LRP1: variants seen among roughly 807,000 people sequenced by gnomAD.
The protein encoded by LRP1 is LDL receptor related protein 1, also known as prolow-density lipoprotein receptor-related protein 1.
LRP1 carries 51 observed loss-of-function variants against 541.5 expected under a neutral mutation model. That is an observed-to-expected ratio of 0.09 (90% CI 0.08 to 0.12). LRP1 has a LOEUF of 0.12. Among genes scored for constraint, LRP1 ranks in the 10% least tolerant of loss-of-function variants. The pLI, the probability that LRP1 is intolerant of heterozygous loss-of-function variation, is 1.00. For synonymous variants in LRP1, 2,219 were observed against 2,470.8 expected (o/e 0.90, Z 3.02); for missense variants, 3,878 against 6,376.2 (o/e 0.61, Z 13.34).
At chr12:57,172,947 G>A (rs943593207) in intron 20 of LRP1, among the ~76,000 whole-genome samples, 9 of 152,216 alleles carry the variant, frequency 5.9e-5, no homozygotes, top group Admixed American at 6.5e-5. Context: ...TCAATGGGGG[G>A]ATTAGATGAG....
At position 57,154,792 on chromosome 12, in the gene LRP1, T is replaced by C. The variant is rs2035589213; in HGVS notation, c.1227+91T>C. 1.7e-6 allele frequency: 2 copies of C among 1,193,686 alleles called. No individual in the cohort carries two copies. The highest frequency in any genetic ancestry group is 2.4e-6 in the Non-Finnish European group (2 of 827,414). 73.9% of individuals were successfully genotyped at this position (1,193,686 alleles called of 1,614,324 possible). On this transcript the variant is annotated intron_variant, in intron 8 of 88. Transcript: ENST00000243077. The surrounding 1 kb of genome is among the most constrained non-coding windows in gnomAD (Gnocchi z 4.6). ...AAGCCTCTGTAGGGGAACCGTTCTC[T>C]GAGTCTCCTGGTAAAGAGCGTGGAT...
rs973461112 is a variant in LRP1, at chr12:57,156,753, A to G, written c.1418-24A>G. The stretch of plus-strand genomic sequence containing the variant: ...TGGCACAGGGGCTCTGAGGGGTCCT[A>G]ACAGCTCTTCACCCTGCCCCCAGTG... On this transcript the variant is annotated intron_variant, in intron 9 of 88. Coordinates refer to ENST00000243077, the MANE Select transcript of LRP1 (RefSeq NM_002332.3). This position sits in a 1 kb window ranked among gnomAD's most constrained non-coding sequence, Gnocchi z 5.2. 6.3e-7 allele frequency: 1 copy of G among 1,592,808 alleles called. No individual in the cohort carries two copies. Among genetic ancestry groups the G allele is most frequent in the Non-Finnish European group, 8.6e-7 (1 of 1,165,140 alleles).
chr12:57,135,740 A>G (rs1330995419), intron 1 of LRP1, among the ~76,000 whole-genome samples: 4 of 152,012 alleles, frequency 2.6e-5, no homozygotes, highest in African/African-American at 9.7e-5. Flanking sequence ...TCCCTGCAAG[A>G]GCACATCTGG....
In LRP1 at chr12:57,177,687, G is replaced by T; in HGVS notation, c.4361+96G>T. On this transcript the variant is annotated intron_variant, in intron 26 of 88. Transcript: ENST00000243077. This position sits in a 1 kb window ranked among gnomAD's most constrained non-coding sequence, Gnocchi z 6.8. ...TGATGAGGGTGATGAGAAGGACCAA[G>T]GGATCTAGAACTAGGAACGGTGGCA... 1 of 1,410,428 alleles carries T rather than the reference G, an allele frequency of 7.1e-7. No homozygotes were observed. Among genetic ancestry groups the T allele is most frequent in the South Asian group, 1.3e-5 (1 of 77,804 alleles). 87.4% of individuals were successfully genotyped at this position (1,410,428 alleles called of 1,614,324 possible). A position where few individuals can be genotyped will look rare whatever the true frequency, so the allele number is the denominator to read the frequency against.
intron 42 of LRP1, 77 bp from the exon 43 acceptor site, chr12:57,190,728 C>T: frequency 7.3e-7 from 1 of 1,366,162 alleles, no homozygotes; most frequent in South Asian, 1.2e-5. Context: ...GTTCCAGGTG[C>T]CTACGCGTCC....
chr12:57,160,482 C>G lies in LRP1; in HGVS notation c.1980-411C>G, dbSNP rs34250508. On this transcript the variant is annotated intron_variant, in intron 12 of 88. Coordinates refer to ENST00000243077, the MANE Select transcript of LRP1 (RefSeq NM_002332.3). ...GACTGGCTTCTTCTCTACATCAAGT[C>G]TCACTCATGCCACCTCCTCATGGTG... 9.0e-3 allele frequency among the ~76,000 whole-genome samples: 1,378 copies of G among 152,274 alleles called. 14 individuals carry two copies. The highest frequency in any genetic ancestry group is 0.031 in the African/African-American group (1,283 of 41,546).
intron 63 of LRP1, 37 bp downstream of exon 63, chr12:57,200,572 C>A (rs2036628216): frequency 6.3e-7 from 1 of 1,590,968 alleles, no homozygotes; most frequent in Non-Finnish European, 8.6e-7. Flanking sequence ...GGGCCCCCAG[C>A]TGTGTCGGAG....
chr12:57,193,645 C>T lies in LRP1; in HGVS notation c.7764C>T (p.Ala2588=), dbSNP rs370289703. The T allele has an allele frequency of 1.9e-5, 31 of 1,614,058 alleles. No homozygotes were observed. The Admixed American group carries it at 2.0e-4, about 10-fold the overall frequency. The part of the protein sequence containing the change: ...CVSNMLWCNG[A]DDCGDGSDEI... ...CCAACATGCTGTGGTGCAACGGGGC[C>T]GACGACTGTGGGGATGGCTCTGACG... Residue 2588 remains alanine (A), a synonymous_variant, in exon 47 of 89, where the codon GCC becomes GCT. Transcript: ENST00000243077.
At chr12:57,135,875 C>T (rs1486896961) in intron 1 of LRP1, among the ~76,000 whole-genome samples, 1 of 151,984 alleles carries the variant, frequency 6.6e-6, no homozygotes, top group East Asian at 1.9e-4. Flanking sequence ...GGAGGGGGCA[C>T]CATGGCTGGG....
At chr12:57,139,712 A>G (rs1380734216) in intron 2 of LRP1, among the ~76,000 whole-genome samples, 1 of 152,198 alleles carries the variant, frequency 6.6e-6, no homozygotes, top group East Asian at 1.9e-4. Context: ...CCAAAGGCAC[A>G]AACACATTCT....
intron 15 of LRP1, chr12:57,164,502 T>C (rs1443441426): frequency 6.6e-6 from 1 of 152,258 alleles, no homozygotes; most frequent in Non-Finnish European, 1.5e-5. Context: ...TTTTTTGATA[T>C]AATCACAACC....
In LRP1 at chr12:57,180,177, C is replaced by G. The variant is rs374138106; in HGVS notation, c.5236+36C>G. ...CCCTGCCCACCCCCACAGCCCCTCC[C>G]TAATTCCTTGACCAGCAGGTGCTTG... On this transcript the variant is annotated intron_variant, in intron 31 of 88. Transcript: ENST00000243077. 2.3e-4 allele frequency: 366 copies of G among 1,602,664 alleles called. 2 individuals carry two copies. Among genetic ancestry groups the G allele is most frequent in the Non-Finnish European group, 6.0e-5 (70 of 1,170,176 alleles).
At chr12:57,191,879 C>A (rs1184524262) in intron 44 of LRP1, among the ~76,000 whole-genome samples, 1 of 87,036 alleles carries the variant, frequency 1.1e-5, no homozygotes, top group East Asian at 3.6e-4. Context: ...ACACATACCA[C>A]ACACACCCCA....
In LRP1 at chr12:57,195,985, C is replaced by G; in HGVS notation, c.8683C>G (p.Pro2895Ala). The part of the protein sequence containing the change: ...HDQSDEAPKN[P>A]HCTSQEHKCN... ...CCAGAGTGACGAGGCTCCCAAGAACCCACACTGCACCAGCCAAGGTGGGCC... is the reference window on the plus strand; with the variant it reads ...CCAGAGTGACGAGGCTCCCAAGAACGCACACTGCACCAGCCAAGGTGGGCC... Residue 2895 changes from proline to alanine, a missense_variant, in exon 54 of 89, where the codon CCA (proline) becomes GCA (alanine). Transcript: ENST00000243077. The G allele has an allele frequency of 6.2e-7, 1 of 1,613,032 alleles. No individual in the cohort carries two copies. Among genetic ancestry groups the G allele is most frequent in the Non-Finnish European group, 8.5e-7 (1 of 1,180,000 alleles).
At chr12:57,135,228 A>ACCTCCGGGTTCTCTCATG (rs1434278933) in intron 1 of LRP1, among the ~76,000 whole-genome samples, 1 of 151,928 alleles carries the variant, frequency 6.6e-6, no homozygotes, top group Admixed American at 6.5e-5. Context: ...GGTCAGGGAG[A>ACCTCCGGGTTCTCTCATG]CCTCCGGGTT....
In LRP1 at chr12:57,156,339, G is replaced by C; in HGVS notation, c.1417+56G>C. The stretch of plus-strand genomic sequence containing the variant: ...TGGCTTTACCCCATGATGGCTCTGG[G>C]ACCTTGGGATCACAGCCCCTCTCTG... On this transcript the variant is annotated intron_variant, in intron 9 of 88. Coordinates refer to ENST00000243077, the MANE Select transcript of LRP1 (RefSeq NM_002332.3). This position sits in a 1 kb window ranked among gnomAD's most constrained non-coding sequence, Gnocchi z 5.2. 3 of 1,554,536 alleles carry C rather than the reference G, an allele frequency of 1.9e-6. No individual in the cohort carries two copies.
chr12:57,177,330 T>G lies in LRP1; in HGVS notation c.4196+85T>G. The stretch of plus-strand genomic sequence containing the variant: ...TGGCCAGGGACACCTTACTCCTCAG[T>G]GCCATCTGCCTCCTCCCACCCTCTA... On this transcript the variant is annotated intron_variant, in intron 25 of 88. Transcript: ENST00000243077. This position sits in a 1 kb window ranked among gnomAD's most constrained non-coding sequence, Gnocchi z 6.8. 6.4e-7 allele frequency: 1 copy of G among 1,564,842 alleles called. No individual in the cohort carries two copies. The highest frequency in any genetic ancestry group is 2.2e-4 in the Middle Eastern group (1 of 4,648).
rs1332354147 is a variant in LRP1, at chr12:57,154,680, G to C, written c.1206G>C (p.Gln402His). 1.2e-5 allele frequency: 19 copies of C among 1,565,960 alleles called. No homozygotes were observed. Among genetic ancestry groups the C allele is most frequent in the Non-Finnish European group, 1.5e-5 (17 of 1,155,020 alleles). The change falls in exon 8 of 89, where the codon CAG (glutamine) becomes CAC (histidine). Residue 402 changes from glutamine (Q) to histidine (H), a missense_variant. By Grantham distance (24) the Gln-to-His change is conservative. Transcript: ENST00000243077. This position sits in a 1 kb window ranked among gnomAD's most constrained non-coding sequence, Gnocchi z 4.6. ...EVVDYEGKGR[Q>H]TIIQGILIEH... ...TGGACTATGAGGGCAAGGGCCGCCA[G>C]ACCATCATCCAGGGCATCCTGGTGA...
At chr12:57,174,079 C>A in intron 22 of LRP1, 99 bp downstream of exon 22, 1 of 1,280,448 alleles carries the variant, frequency 7.8e-7, no homozygotes, top group Non-Finnish European at 1.1e-6. Flanking sequence ...GAGAGCAGCT[C>A]TGGCAGCCGG....
Sources: gnomAD v4.1 joint callset for allele counts (sites outside exome capture counted in the v4.1 genomes callset) on GRCh38, gnomAD v4.1.1 for gene constraint, Gnocchi (gnomAD v3.1) non-coding constraint, MANE v1.5 for transcripts, NCBI Gene and HGNC (gene_info 2026-07-23, HGNC 2026-07-21) for gene names.